PAK3: variants seen among roughly 807,000 people sequenced by gnomAD.
The protein encoded by PAK3 is serine/threonine-protein kinase PAK 3.
A neutral mutation model predicts 41.0 loss-of-function variants in PAK3; 4 were observed. The ratio of observed to expected loss-of-function variants is 0.10; its 90% CI spans 0.05 to 0.22. The LOEUF (loss-of-function observed/expected upper bound fraction) is 0.22. PAK3 is among the 10% of genes least tolerant of loss of function. The pLI is 1.00. For synonymous variants in PAK3, 146 were observed against 139.6 expected (o/e 1.05, Z -0.32); for missense variants, 205 against 409.9 (o/e 0.50, Z 4.32).
At chrX:111,117,426 A>G (rs181786213) in intron 4 of PAK3, among the ~76,000 whole-genome samples, 1 of 111,484 alleles carries the variant, frequency 9.0e-6, no homozygotes, top group Admixed American at 9.6e-5. Flanking sequence ...CTCATGTAAG[A>G]AATGGAGATG....
intron 4 of PAK3, among the ~76,000 whole-genome samples, chrX:111,120,500 C>T (rs1238591418): frequency 8.9e-6 from 1 of 111,883 alleles, no homozygotes; most frequent in Non-Finnish European, 1.9e-5. Context: ...AGGAGCATAG[C>T]ATTTTAAATT....
At chrX:111,085,485 T>C (rs1483217830) in intron 1 of PAK3, among the ~76,000 whole-genome samples, 1 of 112,381 alleles carries the variant, frequency 8.9e-6, no homozygotes, top group African/African-American at 3.2e-5. Flanking sequence ...TTATTTTTGT[T>C]TGAAGCTTCT....
chrX:111,064,750 T>G (rs982740503), intron 1 of PAK3, among the ~76,000 whole-genome samples: 1 of 112,667 alleles, frequency 8.9e-6, no homozygotes, highest in African/African-American at 3.2e-5. Flanking sequence ...TGTGCTGTGA[T>G]GAACATACAA....
Position 111,123,220 on chromosome X carries a change from T to C in PAK3, c.117T>C (p.Pro39=). Residue 39 remains proline, a synonymous_variant, in exon 5 of 18, where the codon CCT becomes CCC. Transcript: ENST00000372007. ...GCTCCAAACCACTTCCCATGGCCCCTGAAGAGAAGAATAAGAAAGCCAGGC... is the reference window on the plus strand; with the variant it reads ...GCTCCAAACCACTTCCCATGGCCCCCGAAGAGAAGAATAAGAAAGCCAGGC... ...NHSSKPLPMA[P]EEKNKKARLR... 1 of 1,209,170 alleles carries C rather than the reference T, an allele frequency of 8.3e-7. No homozygotes were observed. Among genetic ancestry groups the C allele is most frequent in the Non-Finnish European group, 1.1e-6 (1 of 892,965 alleles).
chrX:110,970,513 C>T (rs1167994145), intron 1 of PAK3, among the ~76,000 whole-genome samples: 1 of 111,170 alleles, frequency 9.0e-6, no homozygotes, highest in Non-Finnish European at 1.9e-5. Context: ...AACCAAACAC[C>T]GCATGTTCTC....
At chrX:111,145,560 TGG>T (rs1311139525) in intron 6 of PAK3, among the ~76,000 whole-genome samples, 3 of 111,876 alleles carry the variant, frequency 2.7e-5, no homozygotes, top group African/African-American at 9.7e-5. Flanking sequence ...GAATCATAAC[TGG>T]GATCATGCAT....
chrX:111,178,992 T>G (rs761993519), intron 11 of PAK3, among the ~76,000 whole-genome samples: 40 of 84,234 alleles, frequency 4.7e-4, no homozygotes, highest in African/African-American at 2.3e-3. Flanking sequence ...GAGAGAGAGA[T>G]ATCTGTATAT....
intron 7 of PAK3, among the ~76,000 whole-genome samples, chrX:111,150,537 C>A (rs2094010948): frequency 8.9e-6 from 1 of 111,849 alleles, no homozygotes; most frequent in Non-Finnish European, 1.9e-5. Flanking sequence ...AAAGGCATTT[C>A]TTACATCGCA....
In PAK3 at chrX:111,160,400, G is replaced by T. The variant is rs367612366; in HGVS notation, c.469-2515G>T. ...ATATTAAGTATACAATATCTGGAAT[G>T]TAATTTACACTTGAAACACATCTCA... On this transcript the variant is annotated intron_variant, in intron 8 of 17. Transcript: ENST00000372007. Among the ~76,000 whole-genome samples the T allele has an allele frequency of 4.5e-5, 5 of 110,644 alleles. No homozygotes were observed. In the East Asian group the frequency reaches 1.4e-3, roughly 31 times the overall value.
chrX:111,209,678 G>T (rs1250211279), intron 16 of PAK3, among the ~76,000 whole-genome samples: 8 of 112,033 alleles, frequency 7.1e-5, no homozygotes, highest in Admixed American at 1.9e-4. Context: ...GGCCCCTCAT[G>T]GTTGCTAACA....
intron 9 of PAK3, 90 bp downstream of exon 9, chrX:111,163,136 A>T: frequency 1.1e-6 from 1 of 901,952 alleles, no homozygotes; most frequent in East Asian, 3.1e-5. Flanking sequence ...GCTAGTACCT[A>T]TTAAGCATCT....
chrX:111,040,105 A>G (rs771602205), intron 1 of PAK3, among the ~76,000 whole-genome samples: 6 of 111,249 alleles, frequency 5.4e-5, no homozygotes, highest in African/African-American at 2.0e-4. Context: ...AGAAGACTCA[A>G]CCTGGTTCCA....
At chrX:111,168,418 A>G (rs1233694380) in intron 10 of PAK3, among the ~76,000 whole-genome samples, 1 of 111,861 alleles carries the variant, frequency 8.9e-6, no homozygotes, top group East Asian at 2.8e-4. Context: ...AAAGCAAATT[A>G]TAATAACTAA....
At chrX:111,212,116 AG>A (rs1417223651) in intron 16 of PAK3, among the ~76,000 whole-genome samples, 1 of 111,381 alleles carries the variant, frequency 9.0e-6, no homozygotes, top group Non-Finnish European at 1.9e-5. Flanking sequence ...GTGAGGAAGA[AG>A]GGGGAAAAGA....
At chrX:111,042,515 G>T (rs1218215354) in intron 1 of PAK3, among the ~76,000 whole-genome samples, 1 of 111,670 alleles carries the variant, frequency 9.0e-6, no homozygotes, top group Non-Finnish European at 1.9e-5. Flanking sequence ...CCACGGCACA[G>T]GCTATGTTGC....
intron 5 of PAK3, among the ~76,000 whole-genome samples, chrX:111,140,612 A>G (rs2093856672): frequency 8.9e-6 from 1 of 111,925 alleles, no homozygotes. Flanking sequence ...CACTGTAAAA[A>G]TGGAATCTGT....
Position 111,038,573 on chromosome X carries a change from A to C in PAK3, c.-27-84504A>C, listed in dbSNP as rs766583862. Reference sequence around the variant, plus strand: ...GGAGGTAGACAGGTTTTACCCAGTAAAAGAGCTTTTCACAGTGTAGTGGTT... The same window carrying C: ...GGAGGTAGACAGGTTTTACCCAGTACAAGAGCTTTTCACAGTGTAGTGGTT... On this transcript the variant is annotated intron_variant, in intron 1 of 14. Transcript: ENST00000425146. Among the ~76,000 whole-genome samples, 11 of 112,094 alleles carry C rather than the reference A, an allele frequency of 9.8e-5. No individual in the cohort carries two copies. The South Asian group carries it at 4.2e-3, about 43-fold the overall frequency.
chrX:111,207,840 G>C (rs886530989), intron 16 of PAK3, among the ~76,000 whole-genome samples: 2 of 112,130 alleles, frequency 1.8e-5, no homozygotes, highest in South Asian at 3.7e-4. Context: ...TGTTACCCAG[G>C]CTGGAGTGCA....
At chrX:111,209,671 C>T (rs2094797866) in intron 16 of PAK3, among the ~76,000 whole-genome samples, 1 of 111,855 alleles carries the variant, frequency 8.9e-6, no homozygotes, top group Admixed American at 9.5e-5. Flanking sequence ...GTGCTGGGGC[C>T]CCTCATGGTT....
Sources: gnomAD v4.1 joint callset for allele counts (sites outside exome capture counted in the v4.1 genomes callset) on GRCh38, gnomAD v4.1.1 for gene constraint, MANE v1.5 for transcripts, NCBI Gene and HGNC (gene_info 2026-07-23, HGNC 2026-07-21) for gene names.